HS6ST2: variants seen among roughly 807,000 people sequenced by gnomAD.
HS6ST2 encodes the protein heparan sulfate 6-O-sulfotransferase 2.
HS6ST2 carries 17 observed loss-of-function variants against 33.0 expected under a neutral mutation model. The ratio of observed to expected loss-of-function variants is 0.52; its 90% CI spans 0.35 to 0.77. HS6ST2 has a LOEUF of 0.77. HS6ST2 is among the 30% of genes least tolerant of loss of function. The probability of loss-of-function intolerance (pLI) is 0.01; values close to 1 mark genes in which losing one functional copy is unlikely to be tolerated. For synonymous variants in HS6ST2, 248 were observed against 237.1 expected, an observed-to-expected ratio of 1.05 and a Z score of -0.42; for missense variants, 519 against 551.7, an observed-to-expected ratio of 0.94 and a Z score of 0.59.
intron 2 of HS6ST2, among the ~76,000 whole-genome samples, chrX:132,893,308 G>A (rs2066334990): frequency 8.9e-6 from 1 of 112,165 alleles, no homozygotes; most frequent in Admixed American, 9.5e-5. Context: ...TAGTATTCAC[G>A]TGATAAACAG....
At chrX:132,938,614 C>T (rs781039882) in intron 2 of HS6ST2, among the ~76,000 whole-genome samples, 229 of 110,565 alleles carry the variant, frequency 2.1e-3, no homozygotes, top group Admixed American at 6.3e-3. Context: ...TGCATCCCAA[C>T]CTGAATGACA....
At chrX:132,872,258 A>G (rs2066069031) in intron 2 of HS6ST2, among the ~76,000 whole-genome samples, 1 of 112,076 alleles carries the variant, frequency 8.9e-6, no homozygotes, top group African/African-American at 3.2e-5. Flanking sequence ...CCATATAAAT[A>G]AGGTCCTTGT....
intron 2 of HS6ST2, among the ~76,000 whole-genome samples, chrX:132,849,916 G>T (rs1303495324): frequency 8.9e-6 from 1 of 112,107 alleles, no homozygotes; most frequent in Non-Finnish European, 1.9e-5. Context: ...CTTTTATTTT[G>T]CAGAAAAGGA....
intron 4 of HS6ST2, among the ~76,000 whole-genome samples, chrX:132,647,956 G>A (rs1169511448): frequency 8.9e-6 from 1 of 112,502 alleles, no homozygotes. Flanking sequence ...GACTTTGGGA[G>A]AGATGCTCAG....
intron 2 of HS6ST2, among the ~76,000 whole-genome samples, chrX:132,928,706 C>T (rs1335600991): frequency 9.0e-6 from 1 of 111,006 alleles, no homozygotes; most frequent in Non-Finnish European, 1.9e-5. Context: ...ATCATAGCAC[C>T]GAATACCCTA....
chrX:132,810,701 T>C (rs2065332651), intron 2 of HS6ST2, among the ~76,000 whole-genome samples: 1 of 111,703 alleles, frequency 9.0e-6, no homozygotes, highest in Admixed American at 9.6e-5. Context: ...TCATGTGCAT[T>C]TCTTCTTGTT....
chrX:132,708,646 C>T, intron 2 of HS6ST2, 152 bp from the exon 3 acceptor site: 1 of 469,357 alleles, frequency 2.1e-6, no homozygotes, highest in East Asian at 4.1e-5. Flanking sequence ...CCACTTTGTT[C>T]CCCACTGGCT....
intron 2 of HS6ST2, among the ~76,000 whole-genome samples, chrX:132,822,404 G>A (rs1450989596): frequency 9.0e-6 from 1 of 111,155 alleles, no homozygotes. Flanking sequence ...TGAGGAGCTG[G>A]GCAAACCAAG....
rs745599701 is a variant in HS6ST2 at position 132,942,459 on chromosome X, T to C, written c.947+14349A>G. Among the ~76,000 whole-genome samples, 3 of 112,425 alleles carry C rather than the reference T, an allele frequency of 2.7e-5. No individual in the cohort carries two copies. The South Asian group carries it at 1.1e-3, about 42-fold the overall frequency. ...TTTTATGGCCTTCAGCTTTGCATAA[T>C]GGCACTTTTCTAAAGCTGCCCCTTC... On this transcript the variant is annotated intron_variant, in intron 2 of 4. Coordinates refer to ENST00000370833, the MANE Select transcript of HS6ST2 (RefSeq NM_001394073.1).
intron 2 of HS6ST2, among the ~76,000 whole-genome samples, chrX:132,721,066 A>G (rs2064323383): frequency 8.9e-6 from 1 of 111,878 alleles, no homozygotes; most frequent in African/African-American, 3.3e-5. Flanking sequence ...AATCTGCACT[A>G]TAGACTAAAT....
In HS6ST2 at chrX:132,837,994, T is replaced by C. The variant is rs751349573; in HGVS notation, c.947+118814A>G. On this transcript the variant is annotated intron_variant, in intron 2 of 4. Coordinates refer to ENST00000370833, the MANE Select transcript of HS6ST2 (RefSeq NM_001394073.1). ...GGTTTCTTTATGGCACAGGCATAGT[T>C]GCCATCATCAAGTGGTTATTTAGTC... is the stretch of plus-strand genomic sequence containing the variant. Among the ~76,000 whole-genome samples, 3 of 112,522 alleles carry C rather than the reference T, an allele frequency of 2.7e-5. No individual in the cohort carries two copies. In the Admixed American group the frequency reaches 2.8e-4, roughly 11 times the overall value.
intron 3 of HS6ST2, among the ~76,000 whole-genome samples, chrX:132,693,035 G>C (rs188030713): frequency 8.9e-6 from 1 of 111,981 alleles, no homozygotes; most frequent in East Asian, 2.8e-4. Context: ...GTAGGGGTAT[G>C]AAATGACCTC....
At chrX:132,812,293 T>A (rs2065353821) in intron 2 of HS6ST2, among the ~76,000 whole-genome samples, 1 of 107,224 alleles carries the variant, frequency 9.3e-6, no homozygotes, top group Non-Finnish European at 1.9e-5. Flanking sequence ...TAATCCCAGC[T>A]ACTCCGGAGG....
intron 2 of HS6ST2, among the ~76,000 whole-genome samples, chrX:132,887,803 G>A (rs1460394656): frequency 8.9e-6 from 1 of 112,150 alleles, no homozygotes; most frequent in African/African-American, 3.2e-5. Context: ...GCCACAAAAT[G>A]GAATATTATT....
intron 2 of HS6ST2, among the ~76,000 whole-genome samples, chrX:132,751,948 CT>C (rs1457104690): frequency 8.9e-6 from 1 of 112,037 alleles, no homozygotes; most frequent in African/African-American, 3.2e-5. Context: ...GAATTAGCTC[CT>C]TTAATCTCAC....
At position 132,843,654 on chromosome X, in the gene HS6ST2, T is replaced by C. The variant is rs758095424; in HGVS notation, c.947+113154A>G. On this transcript the variant is annotated intron_variant, in intron 2 of 4. Transcript: ENST00000370833. ...AGTTAATTGGGCATTACTAGAAATA[T>C]ATTACCTAGAACGAGGGGATTGTAG... Among the ~76,000 whole-genome samples the C allele has an allele frequency of 4.5e-5, 5 of 111,557 alleles. No individual in the cohort carries two copies. In the East Asian group the frequency reaches 1.4e-3, roughly 32 times the overall value.
intron 4 of HS6ST2, among the ~76,000 whole-genome samples, chrX:132,656,599 G>T (rs1205258100): frequency 1.8e-5 from 2 of 110,798 alleles, no homozygotes; most frequent in African/African-American, 6.6e-5. Context: ...TTTATCCCTG[G>T]CCTCTTGAGT....
chrX:132,711,629 A>G (rs2064231785), intron 2 of HS6ST2, among the ~76,000 whole-genome samples: 1 of 111,719 alleles, frequency 9.0e-6, no homozygotes, highest in African/African-American at 3.3e-5. Context: ...TTCTCAGTAC[A>G]ACATGCTATT....
intron 2 of HS6ST2, among the ~76,000 whole-genome samples, chrX:132,937,183 G>C (rs1336576937): frequency 1.8e-5 from 2 of 111,439 alleles, no homozygotes; most frequent in Non-Finnish European, 3.8e-5. Flanking sequence ...ATAAAACTCT[G>C]AAGAAATTGA....
Sources: allele counts gnomAD v4.1 joint callset (sites outside exome capture counted in the v4.1 genomes callset), GRCh38; gene constraint gnomAD v4.1.1; transcripts MANE v1.5; gene names NCBI Gene and HGNC (gene_info 2026-07-23, HGNC 2026-07-21).